The following POLA1 variants were observed in gnomAD, a reference collection of about 807,000 sequenced individuals.
The protein encoded by POLA1 is DNA polymerase alpha catalytic subunit.
In POLA1, 15 loss-of-function variants were observed where a neutral mutation model predicts 124.0. The ratio of observed to expected loss-of-function variants is 0.12; its 90% CI spans 0.08 to 0.19. POLA1 has a LOEUF of 0.19. Among genes scored for constraint, POLA1 ranks in the 10% least tolerant of loss-of-function variants. The probability of loss-of-function intolerance (pLI) is 1.00; values close to 1 mark genes in which losing one functional copy is unlikely to be tolerated. For synonymous variants in POLA1, 408 were observed against 389.4 expected (o/e 1.05, Z -0.56); for missense variants, 886 against 1,103.4 (o/e 0.80, Z 2.79).
chrX:24,916,220 C>T (rs968204967), intron 35 of POLA1, among the ~76,000 whole-genome samples: 5 of 110,397 alleles, frequency 4.5e-5, no homozygotes, highest in Non-Finnish European at 5.7e-5. Flanking sequence ...AGTGGAATGG[C>T]ATCTAAATAT....
chrX:24,916,287 CT>C (rs1301083848), intron 35 of POLA1, among the ~76,000 whole-genome samples: 146 of 94,988 alleles, frequency 1.5e-3, no homozygotes, highest in Admixed American at 2.3e-3. Flanking sequence ...TTTCTTTTTT[CT>C]TTTTTTTTTT....
chrX:24,822,937 T>C (rs1380008608), intron 31 of POLA1, among the ~76,000 whole-genome samples: 1 of 111,527 alleles, frequency 9.0e-6, no homozygotes, highest in Non-Finnish European at 1.9e-5. Context: ...CAAGCCACAA[T>C]TGTGTTTTGG....
intron 26 of POLA1, among the ~76,000 whole-genome samples, chrX:24,801,797 G>A (rs2045708247): frequency 9.0e-6 from 1 of 110,866 alleles, no homozygotes; most frequent in South Asian, 3.9e-4. Context: ...GGAATTGGAA[G>A]GTTAGAGAGG....
chrX:24,902,982 G>A (rs2047303755), intron 35 of POLA1, among the ~76,000 whole-genome samples: 1 of 112,513 alleles, frequency 8.9e-6, no homozygotes, highest in East Asian at 2.8e-4. Flanking sequence ...TCATGATGAC[G>A]TAGAGAATGG....
intron 34 of POLA1, among the ~76,000 whole-genome samples, chrX:24,874,811 G>T (rs1339102175): frequency 9.0e-6 from 1 of 111,486 alleles, no homozygotes; most frequent in Non-Finnish European, 1.9e-5. Flanking sequence ...CACTCTGGGG[G>T]TGGCGCTGTG....
chrX:24,855,845 G>A (rs1264937047), intron 34 of POLA1, among the ~76,000 whole-genome samples: 1 of 111,190 alleles, frequency 9.0e-6, no homozygotes, highest in African/African-American at 3.3e-5. Context: ...GATAGGAAAA[G>A]CCAGCTCACC....
chrX:24,828,939 A>G (rs2046217101), intron 32 of POLA1, among the ~76,000 whole-genome samples: 1 of 112,204 alleles, frequency 8.9e-6, no homozygotes, highest in African/African-American at 3.2e-5. Flanking sequence ...GAACAGTAGC[A>G]GATTTTGACT....
intron 34 of POLA1, among the ~76,000 whole-genome samples, chrX:24,879,913 G>T (rs1431081004): frequency 4.5e-5 from 5 of 111,702 alleles, no homozygotes. Context: ...GCTGGTAATT[G>T]TTGGCCTTCT....
At chrX:24,837,035 C>T (rs1242541899) in intron 32 of POLA1, among the ~76,000 whole-genome samples, 5 of 111,974 alleles carry the variant, frequency 4.5e-5, no homozygotes, top group African/African-American at 1.6e-4. Context: ...CATGTTGGCA[C>T]TCAAAACGTT....
At chrX:24,775,405 T>G (rs1416446265) in intron 26 of POLA1, 1 of 112,270 alleles carries the variant, frequency 8.9e-6, no homozygotes, top group African/African-American at 3.2e-5. Context: ...TTACAGTGGA[T>G]GTTCTTTTGT....
At chrX:24,699,619 G>C in intron 2 of POLA1, 70 bp downstream of exon 2, 3 of 879,633 alleles carry the variant, frequency 3.4e-6, no homozygotes, top group Middle Eastern at 4.3e-4. Context: ...GTAGTCTTAT[G>C]TCACCTTTGC....
chrX:24,907,949 A>G (rs1414580091), intron 35 of POLA1, among the ~76,000 whole-genome samples: 1 of 112,131 alleles, frequency 8.9e-6, no homozygotes, highest in African/African-American at 3.2e-5. Context: ...TGGGGTCTAT[A>G]TGTGTTTTTG....
chrX:24,934,155 G>T (rs1331686675), intron 36 of POLA1, among the ~76,000 whole-genome samples: 1 of 112,312 alleles, frequency 8.9e-6, no homozygotes, highest in East Asian at 2.8e-4. Flanking sequence ...TAAGTGAACA[G>T]TTCAGGGGAA....
At chrX:24,948,692 A>G (rs956623078) in intron 36 of POLA1, among the ~76,000 whole-genome samples, 1 of 112,357 alleles carries the variant, frequency 8.9e-6, no homozygotes, top group African/African-American at 3.2e-5. Flanking sequence ...TATAATAGAA[A>G]CCTTTTAAAT....
At chrX:24,800,472 T>C (rs1416670462) in intron 26 of POLA1, among the ~76,000 whole-genome samples, 2 of 111,155 alleles carry the variant, frequency 1.8e-5, no homozygotes, top group Admixed American at 9.6e-5. Flanking sequence ...TATTTAGGAT[T>C]GTATAGGCTC....
chrX:24,694,029 G>A (rs1341050183), intron 1 of POLA1, 25 bp downstream of exon 1: 6 of 1,159,216 alleles, frequency 5.2e-6, no homozygotes, highest in Admixed American at 5.0e-5. Flanking sequence ...CGCGCGCGGG[G>A]CTCCGGGTTG....
chrX:24,733,548 A>G (rs1198583394), intron 16 of POLA1, among the ~76,000 whole-genome samples: 2 of 111,871 alleles, frequency 1.8e-5, no homozygotes, highest in African/African-American at 6.5e-5. Flanking sequence ...AAGCAGTTTT[A>G]ACAACTGCAG....
chrX:24,755,877 T>C (rs1673985232), intron 26 of POLA1, among the ~76,000 whole-genome samples: 2 of 112,394 alleles, frequency 1.8e-5, no homozygotes, highest in African/African-American at 6.5e-5. Context: ...ATTGTACTTG[T>C]TTGCTTCCTT....
At chrX:24,724,566 A>G in intron 12 of POLA1, 115 bp downstream of exon 12, 1 of 435,858 alleles carries the variant, frequency 2.3e-6, no homozygotes, top group Non-Finnish European at 4.0e-6. Flanking sequence ...GCTATAATTT[A>G]TTGAATGGAA....
Sources: allele counts gnomAD v4.1 joint callset (sites outside exome capture counted in the v4.1 genomes callset), GRCh38; gene constraint gnomAD v4.1.1; transcripts MANE v1.5; gene names NCBI Gene and HGNC (gene_info 2026-07-23, HGNC 2026-07-21).